Variants in PTPRR observed in about 807,000 individuals in gnomAD.
PTPRR encodes the protein protein tyrosine phosphatase receptor type R.
A neutral mutation model predicts 77.2 loss-of-function variants in PTPRR; 38 were observed. The observed-to-expected ratio is 0.49, with a 90% CI of 0.38 to 0.65. The LOEUF (loss-of-function observed/expected upper bound fraction) is 0.65. Ranked by LOEUF, PTPRR falls within the 30% of genes least tolerant of loss-of-function variation. The pLI, the probability that PTPRR is intolerant of heterozygous loss-of-function variation, is 0.00. For missense variants in PTPRR, 744 were observed against 799.2 expected (o/e 0.93, Z 0.83); for synonymous variants, 299 against 283.1 (o/e 1.06, Z -0.57).
At chr12:70,665,187 T>C (rs1886941090) in intron 10 of PTPRR, among the ~76,000 whole-genome samples, 1 of 152,104 alleles carries the variant, frequency 6.6e-6, no homozygotes, top group Admixed American at 6.6e-5. Flanking sequence ...AGTAAAATTA[T>C]CTATTAATTC....
chr12:70,915,288 C>G (rs1350070719), intron 1 of PTPRR, among the ~76,000 whole-genome samples: 1 of 152,098 alleles, frequency 6.6e-6, no homozygotes. Context: ...AGGACGGAAG[C>G]TGATAGAGAA....
intron 13 of PTPRR, among the ~76,000 whole-genome samples, chr12:70,642,774 G>A (rs1429899717): frequency 1.3e-5 from 2 of 152,182 alleles, no homozygotes; most frequent in African/African-American, 4.8e-5. Context: ...TGCATTCACT[G>A]GAGGCTGGTT....
At position 70,664,262 on chromosome 12, in the gene PTPRR, A is replaced by G. The variant is rs1337203496; in HGVS notation, c.1498-1657T>C. The G allele has an allele frequency of 6.6e-5, 10 of 152,284 alleles. No homozygotes were observed. In the South Asian group the frequency reaches 1.7e-3, roughly 25 times the overall value. 9.4% of individuals were successfully genotyped at this position (152,284 alleles called of 1,614,324 possible). On this transcript the variant is annotated intron_variant, in intron 10 of 13. Transcript: ENST00000283228. ...AAACCTTTTTAAAGTAGAGCAACTC[A>G]TTTCTCTCGAAATCTATGAGTTGCC... is the stretch of plus-strand genomic sequence containing the variant.
At chr12:70,666,952 T>G (rs1370890210) in intron 10 of PTPRR, among the ~76,000 whole-genome samples, 2 of 92,584 alleles carry the variant, frequency 2.2e-5, no homozygotes, top group African/African-American at 4.0e-5. Context: ...TTTTTTTTTT[T>G]TTTTTTTTTT....
intron 2 of PTPRR, among the ~76,000 whole-genome samples, chr12:70,790,255 C>T (rs935656341): frequency 3.3e-5 from 5 of 152,080 alleles, no homozygotes; most frequent in African/African-American, 9.7e-5. Context: ...ACGCTTTCCA[C>T]CTCCCATTCT....
intron 2 of PTPRR, among the ~76,000 whole-genome samples, chr12:70,890,438 T>C (rs990363194): frequency 2.6e-5 from 4 of 152,140 alleles, no homozygotes; most frequent in Non-Finnish European, 4.4e-5. Context: ...GACACAACTT[T>C]CATGCCCTTT....
chr12:70,709,667 A>G (rs1301910416), intron 6 of PTPRR, among the ~76,000 whole-genome samples: 2 of 152,162 alleles, frequency 1.3e-5, no homozygotes, highest in Non-Finnish European at 2.9e-5. Flanking sequence ...GCAATGTGCA[A>G]AAATCACTAG....
At position 70,883,293 on chromosome 12, in the gene PTPRR, C is replaced by T. The variant is rs551197230; in HGVS notation, c.357+9386G>A. On this transcript the variant is annotated intron_variant, in intron 2 of 13. Transcript: ENST00000283228. Reference sequence around the variant, plus strand: ...CAACAATAAAAAAGATAATGAAACACAGACTTAAGTCACATAAAAATTAGA... The same window carrying T: ...CAACAATAAAAAAGATAATGAAACATAGACTTAAGTCACATAAAAATTAGA... Among the ~76,000 whole-genome samples the T allele has an allele frequency of 2.6e-5, 4 of 152,110 alleles. No homozygotes were observed. The South Asian group carries it at 8.3e-4, about 32-fold the overall frequency.
At chr12:70,795,582 G>A (rs1452353137) in intron 2 of PTPRR, among the ~76,000 whole-genome samples, 1 of 151,936 alleles carries the variant, frequency 6.6e-6, no homozygotes, top group East Asian at 1.9e-4. Context: ...TATTTATACA[G>A]TCCATTAGAG....
chr12:70,684,017 G>T, intron 10 of PTPRR, 110 bp downstream of exon 10: 3 of 1,192,370 alleles, frequency 2.5e-6, no homozygotes, highest in East Asian at 2.4e-5. Flanking sequence ...GCCTTTAAAT[G>T]TCTCAGAGTT....
At chr12:70,847,036 C>T (rs765888249) in intron 2 of PTPRR, among the ~76,000 whole-genome samples, 1 of 152,086 alleles carries the variant, frequency 6.6e-6, no homozygotes, top group Admixed American at 6.6e-5. Flanking sequence ...ATCCTAGTGC[C>T]TGACATCTTG....
chr12:70,907,831 C>T (rs1893644421), intron 1 of PTPRR, among the ~76,000 whole-genome samples: 1 of 152,026 alleles, frequency 6.6e-6, no homozygotes, highest in Admixed American at 6.6e-5. Flanking sequence ...GGAGTGAATG[C>T]TACTATATGT....
chr12:70,683,481 T>C (rs1254865570), intron 10 of PTPRR, among the ~76,000 whole-genome samples: 4 of 152,184 alleles, frequency 2.6e-5, no homozygotes, highest in Non-Finnish European at 5.9e-5. Context: ...AGAAAGTTGA[T>C]TGGTTTCTGT....
chr12:70,738,942 T>C (rs770790205), intron 6 of PTPRR, among the ~76,000 whole-genome samples: 4 of 152,220 alleles, frequency 2.6e-5, no homozygotes, highest in Non-Finnish European at 4.4e-5. Flanking sequence ...AATTTGTACC[T>C]GGACTCGCCA....
intron 2 of PTPRR, among the ~76,000 whole-genome samples, chr12:70,781,210 C>A (rs1387293869): frequency 6.6e-6 from 1 of 151,976 alleles, no homozygotes. Flanking sequence ...AAAAGTCAGA[C>A]AAAAAAATGG....
At chr12:70,769,853 C>T (rs1194114926) in intron 2 of PTPRR, among the ~76,000 whole-genome samples, 12 of 151,982 alleles carry the variant, frequency 7.9e-5, no homozygotes, top group African/African-American at 2.7e-4. Context: ...AGAAATAACG[C>T]CGCATATCTA....
At chr12:70,687,913 C>G (rs10506603) in intron 8 of PTPRR, among the ~76,000 whole-genome samples, 9,632 of 152,142 alleles carry the variant, frequency 0.063, 484 homozygotes, top group East Asian at 0.16. Flanking sequence ...TCAGTCTTGT[C>G]CTTCAGAGCT....
chr12:70,656,583 C>T (rs533480910), intron 13 of PTPRR, 121 bp downstream of exon 13: 19 of 674,486 alleles, frequency 2.8e-5, no homozygotes, highest in African/African-American at 2.7e-4. Flanking sequence ...AAGCATTTTA[C>T]AAGCATCTCT....
intron 5 of PTPRR, among the ~76,000 whole-genome samples, chr12:70,752,800 A>C (rs1453574808): frequency 6.6e-6 from 1 of 152,174 alleles, no homozygotes; most frequent in African/African-American, 2.4e-5. Flanking sequence ...AGCACTTGAG[A>C]TTTCCCATAT....
Sources: gnomAD v4.1 joint callset for allele counts (sites outside exome capture counted in the v4.1 genomes callset) on GRCh38, gnomAD v4.1.1 for gene constraint, MANE v1.5 for transcripts, NCBI Gene and HGNC (gene_info 2026-07-23, HGNC 2026-07-21) for gene names.